Variants in SAMD12 observed in about 807,000 individuals in gnomAD.
SAMD12 encodes sterile alpha motif domain-containing protein 12.
SAMD12 carries 9 observed loss-of-function variants against 15.0 expected under a neutral mutation model. The observed-to-expected ratio is 0.60, with a 90% CI of 0.36 to 1.05. The LOEUF is 1.05. SAMD12 is among the 50% of genes least tolerant of loss of function. The pLI is 0.01. For synonymous variants in SAMD12, 86 were observed against 90.1 expected, an observed-to-expected ratio of 0.96 and a Z score of 0.25; for missense variants, 230 against 234.2, an observed-to-expected ratio of 0.98 and a Z score of 0.12.
intron 4 of SAMD12, among the ~76,000 whole-genome samples, chr8:118,260,457 G>A (rs954198197): frequency 1.3e-5 from 2 of 152,084 alleles, no homozygotes; most frequent in Non-Finnish European, 2.9e-5. Context: ...CTGCTTGTGT[G>A]TCAGTCTTCT....
chr8:118,490,177 G>T (rs1824403188), intron 2 of SAMD12, among the ~76,000 whole-genome samples: 1 of 152,120 alleles, frequency 6.6e-6, no homozygotes, highest in Non-Finnish European at 1.5e-5. Flanking sequence ...GTTTAGATAT[G>T]AGAGTCACGT....
In SAMD12 at chr8:118,316,275, C is replaced by T. The variant is rs188922463; in HGVS notation, c.433+63285G>A. Reference sequence around the variant, plus strand: ...ATTGGCCAGGTGCGGTGGCTCATGCCTGTAATCTCAGCACTTTGGGAGGCT... The same window carrying T: ...ATTGGCCAGGTGCGGTGGCTCATGCTTGTAATCTCAGCACTTTGGGAGGCT... On this transcript the variant is annotated intron_variant, in intron 4 of 4. Coordinates refer to the SAMD12 transcript ENST00000409003. Among the ~76,000 whole-genome samples the T allele has an allele frequency of 2.0e-3, 304 of 151,012 alleles. 2 individuals carry two copies. The highest frequency in any genetic ancestry group is 0.01 in the Middle Eastern group (3 of 292).
chr8:118,267,466 G>A lies in SAMD12; in HGVS notation c.434-69734C>T, dbSNP rs1813231786. 2.0e-5 allele frequency among the ~76,000 whole-genome samples: 3 copies of A among 152,048 alleles called. No individual in the cohort carries two copies. The South Asian group carries it at 6.2e-4, about 32-fold the overall frequency. Reference sequence around the variant, plus strand: ...ATGGTTCCTACCATTCCCAAGCTGGGGTACATCATTTCATCAGCTCAACAT... The same window carrying A: ...ATGGTTCCTACCATTCCCAAGCTGGAGTACATCATTTCATCAGCTCAACAT... On this transcript the variant is annotated intron_variant, in intron 4 of 4. Coordinates refer to the SAMD12 transcript ENST00000409003.
In SAMD12 at chr8:118,313,927, T is replaced by A. The variant is rs1157324848; in HGVS notation, c.433+65633A>T. Among the ~76,000 whole-genome samples the A allele has an allele frequency of 2.6e-5, 4 of 151,486 alleles. No homozygotes were observed. In the East Asian group the frequency reaches 7.8e-4, roughly 30 times the overall value. ...TGTGTGTGTAGAGGGAGAGAGGAGA[T>A]GGGGGGATCTCATGCTGATGAATAA... is the stretch of plus-strand genomic sequence containing the variant. On this transcript the variant is annotated intron_variant, in intron 4 of 4. Coordinates refer to the SAMD12 transcript ENST00000409003.
intron 2 of SAMD12, among the ~76,000 whole-genome samples, chr8:118,577,331 A>G (rs1048747962): frequency 6.6e-6 from 1 of 152,198 alleles, no homozygotes; most frequent in African/African-American, 2.4e-5. Context: ...TCTGCCCAAA[A>G]TGAATACAGA....
intron 2 of SAMD12, among the ~76,000 whole-genome samples, chr8:118,463,795 G>T (rs146127159): frequency 2.0e-5 from 3 of 151,968 alleles, no homozygotes; most frequent in Admixed American, 2.0e-4. Context: ...CTTCAGCTGG[G>T]GGGGATCAGA....
At chr8:118,323,571 G>A (rs1586526727) in intron 4 of SAMD12, among the ~76,000 whole-genome samples, 2 of 151,148 alleles carry the variant, frequency 1.3e-5, no homozygotes, top group East Asian at 3.9e-4. Context: ...AAATGAGCCT[G>A]GGCAACATAG....
At chr8:118,553,868 C>A (rs1300829625) in intron 2 of SAMD12, among the ~76,000 whole-genome samples, 2 of 148,528 alleles carry the variant, frequency 1.3e-5, no homozygotes, top group Admixed American at 1.3e-4. Context: ...AAAAAGTGGG[C>A]GAAGGACATG....
intron 2 of SAMD12, among the ~76,000 whole-genome samples, chr8:118,550,435 AT>A (rs1826290213): frequency 6.6e-6 from 1 of 152,244 alleles, no homozygotes. Context: ...ATTAAGCTTC[AT>A]AAGTGAAGGA....
At chr8:118,547,109 T>C (rs1563575462) in intron 2 of SAMD12, among the ~76,000 whole-genome samples, 1 of 152,266 alleles carries the variant, frequency 6.6e-6, no homozygotes, top group East Asian at 1.9e-4. Context: ...AGATGGCAAA[T>C]ATTACAGAAT....
Position 118,548,093 on chromosome 8 carries a change from TGA to T in SAMD12, c.192+32620_192+32621del, listed in dbSNP as rs981253430. On this transcript the variant is annotated intron_variant, in intron 2 of 3. Transcript: ENST00000314727. ...CTTTCTCAACTCATGAAGAAATTAGTGAGAGAATAGACAAAGAATGAAATTAC... is the reference window on the plus strand; with the variant it reads ...CTTTCTCAACTCATGAAGAAATTAGTGAGAATAGACAAAGAATGAAATTAC... Among the ~76,000 whole-genome samples, 18 of 152,150 alleles carry T rather than the reference TGA, an allele frequency of 1.2e-4. No individual in the cohort carries two copies. The South Asian group carries it at 1.9e-3, about 16-fold the overall frequency.
intron 2 of SAMD12, among the ~76,000 whole-genome samples, chr8:118,517,305 A>G (rs1220817829): frequency 7.9e-5 from 12 of 152,222 alleles, no homozygotes; most frequent in Admixed American, 3.3e-4. Flanking sequence ...TCAAAGGTCA[A>G]TCACAGTTGT....
chr8:118,528,955 A>G (rs1474382679), intron 2 of SAMD12, among the ~76,000 whole-genome samples: 1 of 152,190 alleles, frequency 6.6e-6, no homozygotes, highest in Non-Finnish European at 1.5e-5. Flanking sequence ...AGGCAGAAAG[A>G]GAAAAAAGAC....
chr8:118,197,329 C>T (rs1189654501), exon 5 of SAMD12: 5 of 245,296 alleles, frequency 2.0e-5, no homozygotes, highest in Admixed American at 2.0e-4. Context: ...AAACATCATG[C>T]CATCTGCACA....
At chr8:118,417,725 A>G (rs1170171370) in intron 3 of SAMD12, among the ~76,000 whole-genome samples, 1 of 152,250 alleles carries the variant, frequency 6.6e-6, no homozygotes, top group African/African-American at 2.4e-5. Context: ...ATGGAAAGAA[A>G]TGTTATTATT....
intron 2 of SAMD12, among the ~76,000 whole-genome samples, chr8:118,541,969 A>G (rs1006422340): frequency 2.0e-5 from 3 of 152,178 alleles, no homozygotes; most frequent in Non-Finnish European, 2.9e-5. Flanking sequence ...TTACAGATGC[A>G]AGCTATGGTG....
At chr8:118,277,630 T>C (rs1422113143) in intron 4 of SAMD12, among the ~76,000 whole-genome samples, 1 of 152,038 alleles carries the variant, frequency 6.6e-6, no homozygotes, top group African/African-American at 2.4e-5. Flanking sequence ...TGATATTATT[T>C]AGGAATCAGG....
chr8:118,138,915 C>T, the SAMD12 span, among the ~76,000 whole-genome samples: 1 of 152,160 alleles, frequency 6.6e-6, no homozygotes, highest in African/African-American at 2.4e-5. Flanking sequence ...TCAGCCAATA[C>T]CGACACTAAG....
At chr8:118,479,267 C>G (rs117919647) in intron 2 of SAMD12, among the ~76,000 whole-genome samples, 1 of 152,094 alleles carries the variant, frequency 6.6e-6, no homozygotes, top group African/African-American at 2.4e-5. Flanking sequence ...GTTCCCCCCA[C>G]ACCTGGATCA....
Sources: gnomAD v4.1 joint callset for allele counts (sites outside exome capture counted in the v4.1 genomes callset) on GRCh38, gnomAD v4.1.1 for gene constraint, MANE v1.5 for transcripts, NCBI Gene and HGNC (gene_info 2026-07-23, HGNC 2026-07-21) for gene names.